CTNND2: variants seen among roughly 807,000 people sequenced by gnomAD.
CTNND2 encodes catenin delta 2.
CTNND2 carries 22 observed loss-of-function variants against 144.4 expected under a neutral mutation model. The ratio of observed to expected loss-of-function variants is 0.15; its 90% CI spans 0.11 to 0.22. The LOEUF is 0.22. Ranked by LOEUF, CTNND2 falls within the 10% of genes least tolerant of loss-of-function variation. CTNND2 has a pLI of 1.00. For synonymous variants in CTNND2, 751 were observed against 695.6 expected (o/e 1.08, Z -1.25); for missense variants, 1,353 against 1,618.8 (o/e 0.84, Z 2.82).
chr5:11,641,514 T>C (rs1782000312), intron 2 of CTNND2, among the ~76,000 whole-genome samples: 2 of 151,352 alleles, frequency 1.3e-5, no homozygotes, highest in South Asian at 4.2e-4. Context: ...TATATGTACA[T>C]GCACACATAT....
chr5:11,379,131 GATT>G (rs1410553240), intron 7 of CTNND2, among the ~76,000 whole-genome samples: 2 of 152,186 alleles, frequency 1.3e-5, no homozygotes, highest in African/African-American at 4.8e-5. Context: ...AAAGTGAAAG[GATT>G]ATGTTATTCT....
intron 2 of CTNND2, among the ~76,000 whole-genome samples, chr5:11,600,001 G>T (rs1275256551): frequency 6.6e-6 from 1 of 152,116 alleles, no homozygotes; most frequent in Non-Finnish European, 1.5e-5. Context: ...CAAATATTGA[G>T]ACCACAAATG....
chr5:11,903,702 GC>G lies in CTNND2; in HGVS notation c.37+114del. 1 of 1,126,098 alleles carries G rather than the reference GC, an allele frequency of 8.9e-7. No individual in the cohort carries two copies. The highest frequency in any genetic ancestry group is 1.2e-6 in the Non-Finnish European group (1 of 853,166). The allele number at this position is 1,126,098 out of a possible 1,614,324, so 69.8% of individuals were successfully genotyped here. On this transcript the variant is annotated intron_variant, in intron 1 of 21. Coordinates refer to ENST00000304623, the MANE Select transcript of CTNND2 (RefSeq NM_001332.4). This position sits in a 1 kb window ranked among gnomAD's most constrained non-coding sequence, Gnocchi z 5.4. Reference sequence around the variant, plus strand: ...GGCAGGCAGAAACCCCGCAGCAGCCGCCGCCGCCGCCTGCCGGCCGGGAGCC... The same window carrying G: ...GGCAGGCAGAAACCCCGCAGCAGCCGCGCCGCCGCCTGCCGGCCGGGAGCC...
chr5:11,585,445 A>G (rs1778777462), intron 2 of CTNND2, among the ~76,000 whole-genome samples: 1 of 151,604 alleles, frequency 6.6e-6, no homozygotes, highest in Non-Finnish European at 1.5e-5. Context: ...ATATTTATTT[A>G]TATATATAAC....
chr5:11,707,530 C>T (rs1785776850), intron 2 of CTNND2, among the ~76,000 whole-genome samples: 1 of 152,156 alleles, frequency 6.6e-6, no homozygotes, highest in South Asian at 2.1e-4. Flanking sequence ...CCTTTCCAGC[C>T]TCTGTAGTTC....
rs567022398 is a variant in CTNND2, at chr5:11,647,304, T to A, written c.175-82248A>T. On this transcript the variant is annotated intron_variant, in intron 2 of 21. Coordinates refer to ENST00000304623, the MANE Select transcript of CTNND2 (RefSeq NM_001332.4). The stretch of plus-strand genomic sequence containing the variant: ...AATAAAGCTGTCTGCCTTCTCCATG[T>A]CTAAGTTCCAACAAAATAACTTCAG... 2.6e-5 allele frequency among the ~76,000 whole-genome samples: 4 copies of A among 152,254 alleles called. No homozygotes were observed. In the East Asian group the frequency reaches 7.8e-4, roughly 30 times the overall value.
chr5:11,418,442 A>C (rs951061556), intron 3 of CTNND2, among the ~76,000 whole-genome samples: 6 of 152,128 alleles, frequency 3.9e-5, no homozygotes, highest in African/African-American at 1.4e-4. Flanking sequence ...AAACAAAATA[A>C]AGAAAAGAGC....
At chr5:11,332,527 C>T (rs1325460707) in intron 9 of CTNND2, among the ~76,000 whole-genome samples, 1 of 152,122 alleles carries the variant, frequency 6.6e-6, no homozygotes, top group Admixed American at 6.5e-5. Context: ...TTTAAGTGTA[C>T]AGTTCCATGG....
At chr5:11,420,120 G>C (rs2149851317) in intron 3 of CTNND2, among the ~76,000 whole-genome samples, 1 of 152,246 alleles carries the variant, frequency 6.6e-6, no homozygotes, top group South Asian at 2.1e-4. Context: ...TCAGGAGTTT[G>C]AGATCAGCCT....
intron 14 of CTNND2, among the ~76,000 whole-genome samples, chr5:11,101,403 G>C (rs1043251993): frequency 6.6e-6 from 1 of 152,204 alleles, no homozygotes; most frequent in African/African-American, 2.4e-5. Flanking sequence ...GACTGATGTA[G>C]GTGAGACAAT....
chr5:11,055,281 C>A (rs973778005), intron 16 of CTNND2, among the ~76,000 whole-genome samples: 1 of 152,198 alleles, frequency 6.6e-6, no homozygotes, highest in Non-Finnish European at 1.5e-5. Context: ...CTTTTCTGAG[C>A]TTCCTTCATT....
chr5:11,240,898 C>G (rs1290918520), intron 9 of CTNND2, among the ~76,000 whole-genome samples: 1 of 147,078 alleles, frequency 6.8e-6, no homozygotes, highest in Non-Finnish European at 1.5e-5. Flanking sequence ...ACCCAAAACA[C>G]ATACACTCAG....
intron 8 of CTNND2, among the ~76,000 whole-genome samples, chr5:11,348,157 CAAAAT>C (rs1436862949): frequency 3.3e-5 from 5 of 152,106 alleles, no homozygotes; most frequent in Admixed American, 6.5e-5. Flanking sequence ...TGTTAAGTCT[CAAAAT>C]AATCAGATTA....
At chr5:11,562,464 T>G (rs1030125947) in intron 3 of CTNND2, among the ~76,000 whole-genome samples, 1 of 152,244 alleles carries the variant, frequency 6.6e-6, no homozygotes, top group African/African-American at 2.4e-5. Context: ...ATGCATCAAC[T>G]GTTCTCCAGA....
intron 1 of CTNND2, among the ~76,000 whole-genome samples, chr5:11,844,432 T>G (rs1024351736): frequency 1.3e-5 from 2 of 152,044 alleles, no homozygotes; most frequent in African/African-American, 4.8e-5. Context: ...TGCCGGATTT[T>G]GAAGACTAAT....
chr5:11,264,796 T>A (rs1207802018), intron 9 of CTNND2, among the ~76,000 whole-genome samples: 1 of 152,066 alleles, frequency 6.6e-6, no homozygotes. Context: ...CCAGGCATGA[T>A]GGAGTGTGCC....
chr5:11,767,390 T>C (rs1789656561), intron 1 of CTNND2, among the ~76,000 whole-genome samples: 2 of 152,314 alleles, frequency 1.3e-5, no homozygotes, highest in South Asian at 4.2e-4. Context: ...TCTGTTCATA[T>C]ACACCCACTG....
chr5:11,900,914 T>C (rs1176546054), intron 1 of CTNND2, among the ~76,000 whole-genome samples: 1 of 152,144 alleles, frequency 6.6e-6, no homozygotes, highest in African/African-American at 2.4e-5. Flanking sequence ...AAAAACTCTG[T>C]TAGGAAAAGT....
Position 11,020,439 on chromosome 5 carries a change from T to G in CTNND2, c.2999+2330A>C, listed in dbSNP as rs570089397. On this transcript the variant is annotated intron_variant, in intron 17 of 21. Coordinates refer to ENST00000304623, the MANE Select transcript of CTNND2 (RefSeq NM_001332.4). ...TTTTATAAATAAGCTATGGTGTATT[T>G]GTATACCTACCGTTCCCAATTATTA... Among the ~76,000 whole-genome samples, 3 of 152,248 alleles carry G rather than the reference T, an allele frequency of 2.0e-5. No homozygotes were observed. The East Asian group carries it at 5.8e-4, about 29-fold the overall frequency.
Sources: gnomAD v4.1 joint callset for allele counts (sites outside exome capture counted in the v4.1 genomes callset) on GRCh38, gnomAD v4.1.1 for gene constraint, Gnocchi (gnomAD v3.1) non-coding constraint, MANE v1.5 for transcripts, NCBI Gene and HGNC (gene_info 2026-07-23, HGNC 2026-07-21) for gene names.